Variants in SEMA4C observed in about 807,000 individuals in gnomAD.
SEMA4C encodes the protein semaphorin-4C.
SEMA4C carries 19 observed loss-of-function variants against 89.0 expected under a neutral mutation model. That is an observed-to-expected ratio of 0.21 (90% CI 0.15 to 0.31). SEMA4C has a LOEUF of 0.31. Among genes scored for constraint, SEMA4C ranks in the 10% least tolerant of loss-of-function variants. The pLI, the probability that SEMA4C is intolerant of heterozygous loss-of-function variation, is 1.00. For synonymous variants in SEMA4C, 428 were observed against 472.7 expected (o/e 0.91, Z 1.23); for missense variants, 811 against 1,107.0 (o/e 0.73, Z 3.79).
Position 96,861,281 on chromosome 2 carries a change from G to A in SEMA4C, c.1847C>T (p.Ala616Val). 1 of 1,608,080 alleles carries A rather than the reference G, an allele frequency of 6.2e-7. No homozygotes were observed. ...DARLQALVVMAAQPRHAGAYH... is the reference protein window; with the variant it reads ...DARLQALVVMVAQPRHAGAYH... ...GGCCCCGGCATGGCGGGGCTGGGCA[G>A]CCATCACAACCAGGGCCTGGAGCCG... Residue 616 changes from alanine (A) to valine (V), a missense_variant, in exon 15 of 15, where the codon GCT becomes GTT. This residue lies in a region of SEMA4C where 441 missense variants were observed against 664.9 expected (regional missense o/e 0.66). Transcript: ENST00000305476. This position sits in a 1 kb window ranked among gnomAD's most constrained non-coding sequence, Gnocchi z 7.8.
Position 96,863,663 on chromosome 2 carries a change from A to G in SEMA4C, c.1443+19T>C. 3 of 1,602,436 alleles carry G rather than the reference A, an allele frequency of 1.9e-6. No homozygotes were observed. The highest frequency in any genetic ancestry group is 2.6e-6 in the Non-Finnish European group (3 of 1,169,476). On this transcript the variant is annotated intron_variant, in intron 12 of 14. Transcript: ENST00000305476. The stretch of plus-strand genomic sequence containing the variant: ...GGGATAGTGCTGGGGACAGTGGCAG[A>G]TAGGGCCCAACTTACTACCTTGCTC...
At chr2:96,863,508 C>T in intron 12 of SEMA4C, 174 bp downstream of exon 12, 1 of 881,660 alleles carries the variant, frequency 1.1e-6, no homozygotes, top group Non-Finnish European at 1.4e-6. Context: ...ATTCTGTTTT[C>T]ATTCTCGTTT....
Position 96,860,168 on chromosome 2 carries a change from G to A in SEMA4C, c.*458C>T, listed in dbSNP as rs1422400625. On this transcript the variant is annotated 3_prime_UTR_variant, in exon 15 of 15. Coordinates refer to ENST00000305476, the MANE Select transcript of SEMA4C (RefSeq NM_017789.5). Reference sequence around the variant, plus strand: ...CCCGACACTCGGGGCAGTGGGGGTAGGAGAGACAAAGTGATACGACCCCTT... The same window carrying A: ...CCCGACACTCGGGGCAGTGGGGGTAAGAGAGACAAAGTGATACGACCCCTT... 4 of 167,836 alleles carry A rather than the reference G, an allele frequency of 2.4e-5. No individual in the cohort carries two copies. Among genetic ancestry groups the A allele is most frequent in the African/African-American group, 9.6e-5 (4 of 41,784 alleles). 10.4% of individuals were successfully genotyped at this position (167,836 alleles called of 1,614,324 possible).
At position 96,863,713 on chromosome 2, in the gene SEMA4C, G is replaced by C. The variant is rs1379196106; in HGVS notation, c.1412C>G (p.Pro471Arg). The change falls in exon 12 of 15, where the codon CCC becomes CGC. Residue 471 changes from proline to arginine, a missense_variant. Around this residue, in one of 4 missense-constraint regions of SEMA4C, gnomAD observed 441 missense variants for 664.9 expected, o/e 0.66. Coordinates refer to ENST00000305476, the MANE Select transcript of SEMA4C (RefSeq NM_017789.5). ...IEELQLFDQE[P>R]MRSLVLSQSK... ...CTGAGATAGCACCAGGCTTCTCATG[G>C]GCTCCTGGTCAAACAGCTGCAGCTC... The C allele has an allele frequency of 6.2e-7, 1 of 1,613,978 alleles. No individual in the cohort carries two copies. The highest frequency in any genetic ancestry group is 1.3e-5 in the African/African-American group (1 of 74,930).
chr2:96,869,111 C>G, intron 1 of SEMA4C: 5 of 985,348 alleles, frequency 5.1e-6, no homozygotes, highest in Non-Finnish European at 6.0e-6. Context: ...CGGCCCAGAG[C>G]CCCGGCGCGG....
chr2:96,868,007 C>A, intron 1 of SEMA4C, 84 bp from the exon 2 acceptor site: 2 of 1,517,556 alleles, frequency 1.3e-6, no homozygotes, highest in East Asian at 2.4e-5. Flanking sequence ...CCACAGGACT[C>A]CTCATCAGGC....
In SEMA4C at chr2:96,865,562, A is replaced by G. The variant is rs1030472235; in HGVS notation, c.421-25T>C. The G allele has an allele frequency of 2.5e-6, 4 of 1,600,792 alleles. No homozygotes were observed. In the African/African-American group the frequency reaches 5.4e-5, roughly 22 times the overall value. On this transcript the variant is annotated intron_variant, in intron 5 of 14. Coordinates refer to ENST00000305476, the MANE Select transcript of SEMA4C (RefSeq NM_017789.5). ...TCTAAGGACAGAGAGAGAGGTGATGAGGAGATGCTTAAGGGCAGGGCTCTG... is the reference window on the plus strand; with the variant it reads ...TCTAAGGACAGAGAGAGAGGTGATGGGGAGATGCTTAAGGGCAGGGCTCTG...
rs2080005371 is a variant in SEMA4C, at chr2:96,863,742, A to G, written c.1383T>C (p.Ile461=). 1 of 1,613,890 alleles carries G rather than the reference A, an allele frequency of 6.2e-7. No homozygotes were observed. The highest frequency in any genetic ancestry group is 1.1e-5 in the South Asian group (1 of 91,084). ...AVSLGPWVHL[I]EELQLFDQEP... is the part of the protein sequence containing the mutation. ...CCTGGTCAAACAGCTGCAGCTCCTC[A>G]ATCAGGTGAACCCAGGGCCCCAGGC... is the stretch of plus-strand genomic sequence containing the variant. Residue 461 remains isoleucine (I), a synonymous_variant, in exon 12 of 15, where the codon ATT becomes ATC. Coordinates refer to ENST00000305476, the MANE Select transcript of SEMA4C (RefSeq NM_017789.5).
Position 96,864,666 on chromosome 2 carries a change from C to T in SEMA4C, c.962+39G>A. The T allele has an allele frequency of 6.4e-7, 1 of 1,573,148 alleles. No individual in the cohort carries two copies. Among genetic ancestry groups the T allele is most frequent in the South Asian group, 1.2e-5 (1 of 84,768 alleles). On this transcript the variant is annotated intron_variant, in intron 9 of 14. Transcript: ENST00000305476. The surrounding 1 kb of genome is among the most constrained non-coding windows in gnomAD (Gnocchi z 6.3). Reference sequence around the variant, plus strand: ...CATGCACCGTCCCTGACCTGAACCCCAGCTCCTCCCCACTCTGTGGGAGCC... The same window carrying T: ...CATGCACCGTCCCTGACCTGAACCCTAGCTCCTCCCCACTCTGTGGGAGCC...
rs746995748 is a variant in SEMA4C, at chr2:96,864,036, C to A, written c.1220G>T (p.Arg407Leu). 2.0e-5 allele frequency: 33 copies of A among 1,613,106 alleles called. No individual in the cohort carries two copies. The highest frequency in any genetic ancestry group is 2.7e-5 in the Non-Finnish European group (32 of 1,179,998). Reference sequence around the variant, plus strand: ...CTTCACGAGCAGGGGGCGGCTCCACCGAGGCCCCACCTGCTCCTCCATCAG... The same window carrying A: ...CTTCACGAGCAGGGGGCGGCTCCACAGAGGCCCCACCTGCTCCTCCATCAG... ...HPLMEEQVGPRWSRPLLVKKG... is the reference protein window; with the variant it reads ...HPLMEEQVGPLWSRPLLVKKG... Residue 407 changes from arginine (R) to leucine (L), a missense_variant, in exon 11 of 15, where the codon CGG (arginine) becomes CTG (leucine). Arg to Leu is a moderately radical substitution (Grantham distance 102). Around this residue, in one of 4 missense-constraint regions of SEMA4C, gnomAD observed 441 missense variants for 664.9 expected, o/e 0.66. Transcript: ENST00000305476. This position sits in a 1 kb window ranked among gnomAD's most constrained non-coding sequence, Gnocchi z 6.3.
chr2:96,865,814 G>A (rs2080057130), intron 4 of SEMA4C, 50 bp from the exon 5 acceptor site: 1 of 1,613,574 alleles, frequency 6.2e-7, no homozygotes, highest in Non-Finnish European at 8.5e-7. Flanking sequence ...GCCAGAATGG[G>A]AGGAGACGTC....
Position 96,864,391 on chromosome 2 carries a change from GCGA to G in SEMA4C, c.963-12_963-10del. 1 of 1,612,876 alleles carries G rather than the reference GCGA, an allele frequency of 6.2e-7. No homozygotes were observed. The highest frequency in any genetic ancestry group is 8.5e-7 in the Non-Finnish European group (1 of 1,179,966). ...ACAGGTACATGTCACCCCTGTCACAGCGAGAGGGAGCCCAGGGTCAGGTACCCA... is the reference window on the plus strand; with the variant it reads ...ACAGGTACATGTCACCCCTGTCACAGGAGGGAGCCCAGGGTCAGGTACCCA... On this transcript the variant is annotated splice_polypyrimidine_tract_variant and intron_variant, in intron 9 of 14. Transcript: ENST00000305476. This position sits in a 1 kb window ranked among gnomAD's most constrained non-coding sequence, Gnocchi z 6.3.
chr2:96,864,319 C>T lies in SEMA4C; in HGVS notation c.1026G>A (p.Glu342=). Residue 342 remains glutamate (E), a synonymous_variant, in exon 10 of 15, where the codon GAG becomes GAA. Transcript: ENST00000305476. The surrounding 1 kb of genome is among the most constrained non-coding windows in gnomAD (Gnocchi z 6.3). ...CCTCATGGTACTCCTTATAGGGGCC[C>T]TCAAACACCCGCTGGATCTCTTCCA... is the stretch of plus-strand genomic sequence containing the variant. ...YQLEEIQRVF[E]GPYKEYHEEA... 1 of 1,614,006 alleles carries T rather than the reference C, an allele frequency of 6.2e-7. No homozygotes were observed.
upstream of SEMA4C, chr2:96,870,203 CCCGCCCGCTCT>C: frequency 1.0e-6 from 1 of 984,942 alleles, no homozygotes; most frequent in Non-Finnish European, 1.2e-6. Flanking sequence ...GACCTGTGGA[CCCGCCCGCTCT>C]CCGCCCGGGG....
chr2:96,862,018 G>C (rs1188722287), intron 12 of SEMA4C, 124 bp from the exon 13 acceptor site: 2 of 1,060,050 alleles, frequency 1.9e-6, no homozygotes, highest in African/African-American at 1.6e-5. Flanking sequence ...CGGGGCGCCA[G>C]AAGGAGGAAC....
At chr2:96,866,540 A>T in intron 2 of SEMA4C, 109 bp from the exon 3 acceptor site, 1 of 1,452,238 alleles carries the variant, frequency 6.9e-7, no homozygotes, top group Non-Finnish European at 9.6e-7. Context: ...TGCCAGCCAA[A>T]CCCCCTGATT....
intron 1 of SEMA4C, 25 bp from the exon 2 acceptor site, chr2:96,867,948 G>GAAA: frequency 6.2e-7 from 1 of 1,611,486 alleles, no homozygotes; most frequent in Non-Finnish European, 8.5e-7. Context: ...GACATGGTCA[G>GAAA]AAATCACAGC....
rs1322692504 is a variant in SEMA4C at position 96,859,801 on chromosome 2, C to T, written c.*825G>A. The T allele has an allele frequency of 6.6e-6, 1 of 152,210 alleles. No individual in the cohort carries two copies. The highest frequency in any genetic ancestry group is 2.4e-5 in the African/African-American group (1 of 41,446). The allele number at this position is 152,210 out of a possible 1,614,324, so 9.4% of individuals were successfully genotyped here. On this transcript the variant is annotated 3_prime_UTR_variant, in exon 15 of 15. Transcript: ENST00000305476. ...CTCAAATATTTACAACAAATAAATA[C>T]GCGGGGACACAATAAGTTACACTGT... is the stretch of plus-strand genomic sequence containing the variant.
chr2:96,866,756 AC>A, intron 2 of SEMA4C: 1 of 439,878 alleles, frequency 2.3e-6, no homozygotes, highest in East Asian at 5.0e-5. Flanking sequence ...AGGGCTGGGC[AC>A]CCCCACCCCA....
Sources: gnomAD v4.1 joint callset for allele counts on GRCh38, gnomAD v4.1.1 for gene constraint, gnomAD v4.1.1 regional missense constraint, Gnocchi (gnomAD v3.1) non-coding constraint, MANE v1.5 for transcripts, NCBI Gene and HGNC (gene_info 2026-07-23, HGNC 2026-07-21) for gene names.